Variants in SNTG1 observed in about 807,000 individuals in gnomAD.
SNTG1 encodes the protein gamma-1-syntrophin.
A neutral mutation model predicts 74.7 loss-of-function variants in SNTG1; 39 were observed. The ratio of observed to expected loss-of-function variants is 0.52; its 90% confidence interval spans 0.40 to 0.68. SNTG1 has a LOEUF of 0.68. Ranked by LOEUF, SNTG1 falls within the 30% of genes least tolerant of loss-of-function variation. The probability of loss-of-function intolerance (pLI) is 0.00; values close to 1 mark genes in which losing one functional copy is unlikely to be tolerated. For synonymous variants in SNTG1, 254 were observed against 217.1 expected (o/e 1.17, Z -1.49); for missense variants, 685 against 609.5 (o/e 1.12, Z -1.30).
chr8:50,338,404 C>T (rs1045770035), intron 2 of SNTG1, among the ~76,000 whole-genome samples: 1 of 152,044 alleles, frequency 6.6e-6, no homozygotes, highest in African/African-American at 2.4e-5. Flanking sequence ...GTAAAAGGCA[C>T]ATAATACAGT....
At chr8:50,577,143 T>C (rs2094581301) in intron 12 of SNTG1, among the ~76,000 whole-genome samples, 1 of 152,158 alleles carries the variant, frequency 6.6e-6, no homozygotes, top group South Asian at 2.1e-4. Context: ...GTTAAGGTAG[T>C]TTCCTTCTAT....
At chr8:50,367,742 G>T (rs1167889343) in intron 2 of SNTG1, among the ~76,000 whole-genome samples, 2 of 151,730 alleles carry the variant, frequency 1.3e-5, no homozygotes, top group African/African-American at 4.8e-5. Flanking sequence ...TGTGCCACTG[G>T]GTGCTCAAAT....
At chr8:50,297,090 C>T (rs61158477) in intron 2 of SNTG1, among the ~76,000 whole-genome samples, 10,547 of 152,102 alleles carry the variant, frequency 0.069, 409 homozygotes, top group African/African-American at 0.085. Context: ...ATTTCATGGA[C>T]GTAAATATTT....
intron 1 of SNTG1, among the ~76,000 whole-genome samples, chr8:50,115,761 C>T (rs1220576000): frequency 6.6e-6 from 1 of 151,750 alleles, no homozygotes; most frequent in East Asian, 1.9e-4. Flanking sequence ...AAGTCAATGA[C>T]CCATTTAGAG....
chr8:50,418,090 C>G (rs558918654), intron 4 of SNTG1, among the ~76,000 whole-genome samples: 2 of 152,034 alleles, frequency 1.3e-5, no homozygotes, highest in Non-Finnish European at 2.9e-5. Context: ...TCTCTTGGCC[C>G]GAAATTCTCC....
intron 2 of SNTG1, among the ~76,000 whole-genome samples, chr8:50,220,387 G>A (rs1310407019): frequency 6.6e-6 from 1 of 152,088 alleles, no homozygotes; most frequent in East Asian, 1.9e-4. Flanking sequence ...AAAGATAACA[G>A]GGATTATGAG....
chr8:50,663,170 A>G (rs2095233506), intron 15 of SNTG1, among the ~76,000 whole-genome samples: 2 of 152,158 alleles, frequency 1.3e-5, no homozygotes, highest in Non-Finnish European at 2.9e-5. Context: ...AGAGCTACAA[A>G]GAAGTATGTG....
At chr8:50,140,607 A>C (rs2081623714) in intron 1 of SNTG1, among the ~76,000 whole-genome samples, 1 of 152,034 alleles carries the variant, frequency 6.6e-6, no homozygotes, top group African/African-American at 2.4e-5. Flanking sequence ...GTAAGTCTGA[A>C]TGTGGATGGG....
intron 13 of SNTG1, among the ~76,000 whole-genome samples, chr8:50,600,494 G>GC (rs2094764737): frequency 2.0e-5 from 1 of 50,368 alleles, no homozygotes; most frequent in Non-Finnish European, 3.5e-5. Context: ...TTTGGTATTG[G>GC]ATTCTTCCTG....
intron 12 of SNTG1, among the ~76,000 whole-genome samples, chr8:50,569,187 G>C (rs1020235294): frequency 1.2e-4 from 18 of 152,080 alleles, no homozygotes; most frequent in African/African-American, 4.3e-4. Context: ...AATAGCTTCT[G>C]GATCAGTCAG....
intron 2 of SNTG1, among the ~76,000 whole-genome samples, chr8:50,308,227 C>T (rs1250694749): frequency 6.6e-6 from 1 of 151,856 alleles, no homozygotes; most frequent in Non-Finnish European, 1.5e-5. Context: ...GAAACAAAAA[C>T]ACTTCAAGTT....
intron 2 of SNTG1, among the ~76,000 whole-genome samples, chr8:50,242,621 T>G (rs2086216423): frequency 6.6e-6 from 1 of 151,606 alleles, no homozygotes; most frequent in African/African-American, 2.4e-5. Context: ...CCCCCAAATA[T>G]GTACACATTC....
At chr8:50,399,699 C>CG (rs1354008190) in intron 3 of SNTG1, among the ~76,000 whole-genome samples, 1 of 151,760 alleles carries the variant, frequency 6.6e-6, no homozygotes, top group Non-Finnish European at 1.5e-5. Flanking sequence ...GTGGCTTCCC[C>CG]CCTCAAAAAG....
At chr8:50,339,404 T>G (rs1362736182) in intron 2 of SNTG1, among the ~76,000 whole-genome samples, 1 of 152,016 alleles carries the variant, frequency 6.6e-6, no homozygotes, top group Admixed American at 6.5e-5. Context: ...TATATTTAAT[T>G]TAGCTAACAG....
chr8:50,081,712 C>CA (rs1449075683), intron 1 of SNTG1, among the ~76,000 whole-genome samples: 3 of 152,126 alleles, frequency 2.0e-5, no homozygotes, highest in Non-Finnish European at 4.4e-5. Context: ...TGGCTCACTG[C>CA]AACCTCTGCC....
At chr8:50,741,796 T>C (rs868709201) in intron 17 of SNTG1, among the ~76,000 whole-genome samples, 38 of 151,992 alleles carry the variant, frequency 2.5e-4, no homozygotes, top group African/African-American at 9.2e-4. Flanking sequence ...ATTCCAACTA[T>C]ATGAGATTCT....
chr8:50,587,247 T>C (rs2094656267), intron 12 of SNTG1, among the ~76,000 whole-genome samples: 1 of 151,174 alleles, frequency 6.6e-6, no homozygotes, highest in African/African-American at 2.4e-5. Context: ...TATGTATGCA[T>C]ATATATGTGT....
intron 17 of SNTG1, among the ~76,000 whole-genome samples, chr8:50,738,302 A>G (rs373800894): frequency 3.3e-5 from 5 of 152,144 alleles, no homozygotes; most frequent in African/African-American, 1.2e-4. Flanking sequence ...GTGAAATTTT[A>G]TTCACAATTG....
chr8:50,121,018 TA>T (rs2080981609), intron 1 of SNTG1, among the ~76,000 whole-genome samples: 1 of 142,222 alleles, frequency 7.0e-6, no homozygotes, highest in Non-Finnish European at 1.6e-5. Flanking sequence ...TTCATTATCA[TA>T]TCAAGACACT....
Sources: gnomAD v4.1 joint callset for allele counts (sites outside exome capture counted in the v4.1 genomes callset) on GRCh38, gnomAD v4.1.1 for gene constraint, MANE v1.5 for transcripts, NCBI Gene and HGNC (gene_info 2026-07-23, HGNC 2026-07-21) for gene names.